TNKS: variants seen among roughly 807,000 people sequenced by gnomAD.
TNKS encodes the protein poly [ADP-ribose] polymerase tankyrase-1.
A neutral mutation model predicts 135.8 loss-of-function variants in TNKS; 72 were observed. The observed-to-expected ratio is 0.53, with a 90% CI of 0.44 to 0.64. TNKS has a LOEUF of 0.64. TNKS is among the 30% of genes least tolerant of loss of function. The probability of loss-of-function intolerance (pLI) is 0.00; values close to 1 mark genes in which losing one functional copy is unlikely to be tolerated. For missense variants in TNKS, 1,769 were observed against 1,674.0 expected (o/e 1.06, Z -0.99); for synonymous variants, 849 against 649.3 (o/e 1.31, Z -4.68).
chr8:9,661,789 G>T (rs1182047225), intron 3 of TNKS, among the ~76,000 whole-genome samples: 2 of 152,184 alleles, frequency 1.3e-5, no homozygotes, highest in Non-Finnish European at 2.9e-5. Context: ...CCATCAGAGT[G>T]AACGGGCTAC....
chr8:9,636,678 C>A (rs183802662), intron 3 of TNKS, among the ~76,000 whole-genome samples: 1 of 152,104 alleles, frequency 6.6e-6, no homozygotes, highest in South Asian at 2.1e-4. Flanking sequence ...CAAATGATAT[C>A]TGTGTCATTT....
At chr8:9,557,598 G>A (rs868090504) in intron 1 of TNKS, 8 of 151,854 alleles carry the variant, frequency 5.3e-5, no homozygotes, top group African/African-American at 1.9e-4. Context: ...TATATTGTAC[G>A]TTATACAATT....
intron 1 of TNKS, among the ~76,000 whole-genome samples, chr8:9,570,302 A>G (rs1178943330): frequency 6.6e-6 from 1 of 152,142 alleles, no homozygotes; most frequent in African/African-American, 2.4e-5. Context: ...AGCTAGCCAG[A>G]TGTTGTGCTG....
At chr8:9,730,472 A>G (rs1208611375) in intron 13 of TNKS, among the ~76,000 whole-genome samples, 3 of 152,164 alleles carry the variant, frequency 2.0e-5, no homozygotes, top group Non-Finnish European at 2.9e-5. Flanking sequence ...GACTCACATT[A>G]GAGACGGCAA....
intron 21 of TNKS, among the ~76,000 whole-genome samples, chr8:9,762,637 T>C (rs1473403312): frequency 6.6e-6 from 1 of 152,164 alleles, no homozygotes; most frequent in Non-Finnish European, 1.5e-5. Flanking sequence ...GCGCAGTGGC[T>C]CACGCCTGTA....
At chr8:9,559,474 A>G (rs557463769) in intron 1 of TNKS, among the ~76,000 whole-genome samples, 1 of 152,268 alleles carries the variant, frequency 6.6e-6, no homozygotes, top group South Asian at 2.1e-4. Flanking sequence ...TTCAGGGATT[A>G]CATGTGCAGG....
At chr8:9,631,225 A>C (rs1324995575) in intron 3 of TNKS, among the ~76,000 whole-genome samples, 1 of 152,218 alleles carries the variant, frequency 6.6e-6, no homozygotes, top group African/African-American at 2.4e-5. Context: ...CATAGCTAGA[A>C]TCCTCCTGTG....
chr8:9,572,392 C>G (rs1049421610), intron 1 of TNKS, among the ~76,000 whole-genome samples: 9 of 152,168 alleles, frequency 5.9e-5, no homozygotes, highest in African/African-American at 1.9e-4. Context: ...CTGTTTGGCA[C>G]TCCATGAATA....
chr8:9,684,365 G>T (rs191587923), intron 5 of TNKS, among the ~76,000 whole-genome samples: 4 of 151,742 alleles, frequency 2.6e-5, no homozygotes, highest in African/African-American at 9.7e-5. Context: ...GTTAATTTTC[G>T]TAAGGATACC....
intron 5 of TNKS, among the ~76,000 whole-genome samples, chr8:9,690,765 A>G (rs953565884): frequency 6.6e-6 from 1 of 152,228 alleles, no homozygotes; most frequent in Non-Finnish European, 1.5e-5. Flanking sequence ...ACCTTGTTTT[A>G]TATTTCATAA....
chr8:9,626,625 G>C (rs912899431), intron 3 of TNKS, among the ~76,000 whole-genome samples: 8 of 152,162 alleles, frequency 5.3e-5, no homozygotes, highest in Non-Finnish European at 1.0e-4. Flanking sequence ...ACGTGAATTT[G>C]TTTTAGCTGG....
Position 9,685,636 on chromosome 8 carries a change from A to G in TNKS, c.1107+4836A>G, listed in dbSNP as rs1051326004. ...TAGATTGTCTTGTAATCTATAAAGC[A>G]TATAATTTAATTAATTCAGTTGGAG... On this transcript the variant is annotated intron_variant, in intron 5 of 26. Coordinates refer to ENST00000310430, the MANE Select transcript of TNKS (RefSeq NM_003747.3). Among the ~76,000 whole-genome samples, 6 of 152,200 alleles carry G rather than the reference A, an allele frequency of 3.9e-5. No homozygotes were observed. The East Asian group carries it at 9.6e-4, about 24-fold the overall frequency.
At chr8:9,667,649 G>T (rs1439553396) in intron 3 of TNKS, among the ~76,000 whole-genome samples, 1 of 152,198 alleles carries the variant, frequency 6.6e-6, no homozygotes, top group East Asian at 1.9e-4. Context: ...AAACGTCTCA[G>T]AAAGATGTAG....
intron 1 of TNKS, among the ~76,000 whole-genome samples, chr8:9,569,659 C>T (rs889231073): frequency 6.6e-6 from 1 of 152,126 alleles, no homozygotes; most frequent in Non-Finnish European, 1.5e-5. Context: ...CGTCTGTAAA[C>T]GTCAACATTG....
chr8:9,632,168 A>G (rs1420701536), intron 3 of TNKS, among the ~76,000 whole-genome samples: 1 of 152,184 alleles, frequency 6.6e-6, no homozygotes, highest in Non-Finnish European at 1.5e-5. Flanking sequence ...ATTCAAATTC[A>G]ACTGCAGTTT....
At chr8:9,619,479 G>A (rs1799780224) in intron 3 of TNKS, among the ~76,000 whole-genome samples, 1 of 152,208 alleles carries the variant, frequency 6.6e-6, no homozygotes, top group African/African-American at 2.4e-5. Flanking sequence ...TGATGGGGAT[G>A]TAAAGTGAGT....
chr8:9,570,062 T>G (rs951946385), intron 1 of TNKS, among the ~76,000 whole-genome samples: 15 of 152,240 alleles, frequency 9.9e-5, no homozygotes, highest in African/African-American at 3.6e-4. Context: ...TATTTTAAAT[T>G]TATTTTGCTA....
chr8:9,632,814 C>G (rs79875926), intron 3 of TNKS, among the ~76,000 whole-genome samples: 13,060 of 152,196 alleles, frequency 0.086, 602 homozygotes, highest in South Asian at 0.17. Context: ...GCTGCAAGCT[C>G]CGCCTCCCGG....
intron 8 of TNKS, among the ~76,000 whole-genome samples, chr8:9,707,377 A>C (rs1423939743): frequency 6.6e-6 from 1 of 152,144 alleles, no homozygotes; most frequent in Non-Finnish European, 1.5e-5. Context: ...TGCTATTGAC[A>C]GTGATAGGTA....
Sources: gnomAD v4.1 joint callset for allele counts (sites outside exome capture counted in the v4.1 genomes callset) on GRCh38, gnomAD v4.1.1 for gene constraint, MANE v1.5 for transcripts, NCBI Gene and HGNC (gene_info 2026-07-23, HGNC 2026-07-21) for gene names.